CCDC142: variants seen among roughly 807,000 people sequenced by gnomAD.
CCDC142 encodes the protein coiled-coil domain-containing protein 142.
A neutral mutation model predicts 83.8 loss-of-function variants in CCDC142; 67 were observed. That is an observed-to-expected ratio of 0.80 (90% CI 0.66 to 0.98). CCDC142 has a LOEUF of 0.98. CCDC142 is among the 50% of genes least tolerant of loss of function. The probability of loss-of-function intolerance (pLI) is 0.00; values close to 1 mark genes in which losing one functional copy is unlikely to be tolerated. For synonymous variants in CCDC142, 421 were observed against 421.2 expected, an observed-to-expected ratio of 1.00 and a Z score of 0.01; for missense variants, 905 against 946.8, an observed-to-expected ratio of 0.96 and a Z score of 0.58.
chr2:74,482,308 C>G lies in CCDC142; in HGVS notation c.530G>C (p.Cys177Ser). Reference protein sequence around the residue: ...LARPIGLAAQCLEAVIEMQLR... With the variant: ...LARPIGLAAQSLEAVIEMQLR... ...CTGCATCTCGATGACAGCCTCCAGG[C>G]ACTGGGCGGCTAGTCCGATGGGGCG... The change falls in exon 1 of 9, where the codon TGC (cysteine) becomes TCC (serine). Residue 177 changes from cysteine to serine, a missense_variant. Physicochemically the swap from Cys to Ser is moderately radical, Grantham distance 112. Transcript: ENST00000393965. This position sits in a 1 kb window ranked among gnomAD's most constrained non-coding sequence, Gnocchi z 5.0. 6.2e-7 allele frequency: 1 copy of G among 1,610,978 alleles called. No individual in the cohort carries two copies. The highest frequency in any genetic ancestry group is 8.5e-7 in the Non-Finnish European group (1 of 1,179,272).
chr2:74,477,997 A>T (rs28637821), intron 5 of CCDC142, among the ~76,000 whole-genome samples: 44,359 of 146,576 alleles, frequency 0.3, 10,420 homozygotes, highest in East Asian at 0.79. Context: ...TTAAAAAAAA[A>T]ATATATATAT....
Position 74,480,788 on chromosome 2 carries a change from T to C in CCDC142, c.1484A>G (p.Lys495Arg), listed in dbSNP as rs779784180. ...TCTCACCTGGATCTGTGCAGTCAGC[T>C]TCTGGATCTCCAGGCCCAGCTGCTG... ...VEQQLGLEIQ[K>R]LTAQIQLLPE... Residue 495 changes from lysine to arginine, a missense_variant, in exon 5 of 9, where the codon AAG (lysine) becomes AGG (arginine). Lys to Arg is a conservative substitution (Grantham distance 26, BLOSUM62 2). This residue lies in a region of CCDC142 where 49 missense variants were observed against 86.4 expected (regional missense o/e 0.57). Transcript: ENST00000393965. 4 of 1,613,334 alleles carry C rather than the reference T, an allele frequency of 2.5e-6. No homozygotes were observed. In the South Asian group the frequency reaches 4.4e-5, roughly 18 times the overall value.
At position 74,482,388 on chromosome 2, in the gene CCDC142, T is replaced by C. The variant is rs1390151427; in HGVS notation, c.450A>G (p.Gln150=). The part of the protein sequence containing the change: ...WCRDLQLHPS[Q]GAVLRIGPGE... ...CAGGGCCGATTCGCAGAACCGCCCCTTGGGAAGGGTGCAGCTGCAGGTCGC... is the reference window on the plus strand; with the variant it reads ...CAGGGCCGATTCGCAGAACCGCCCCCTGGGAAGGGTGCAGCTGCAGGTCGC... Residue 150 remains glutamine (Q), a synonymous_variant, in exon 1 of 9, where the codon CAA becomes CAG. Transcript: ENST00000393965. The surrounding 1 kb of genome is among the most constrained non-coding windows in gnomAD (Gnocchi z 5.0). 2 of 1,574,506 alleles carry C rather than the reference T, an allele frequency of 1.3e-6. No individual in the cohort carries two copies. The highest frequency in any genetic ancestry group is 1.9e-5 in the Admixed American group (1 of 51,760).
At chr2:74,481,687 A>G (rs921602378) in intron 1 of CCDC142, 130 bp downstream of exon 1, 24 of 1,382,540 alleles carry the variant, frequency 1.7e-5, no homozygotes, top group Non-Finnish European at 2.3e-5. Context: ...CTCAGAAGCT[A>G]TAGTCTGAAC....
intron 1 of CCDC142, 33 bp from the exon 2 acceptor site, chr2:74,481,571 CAA>C (rs1672464257): frequency 6.3e-7 from 1 of 1,598,836 alleles, no homozygotes; most frequent in African/African-American, 1.3e-5. Flanking sequence ...GGCCTGAAAA[CAA>C]GGTCTCACTT....
At position 74,474,777 on chromosome 2, in the gene CCDC142, C is replaced by T. The variant is rs201317513; in HGVS notation, c.2022G>A (p.Thr674=). Residue 674 remains threonine (T), a synonymous_variant, in exon 9 of 9, where the codon ACG becomes ACA. Transcript: ENST00000393965. ...TATTGAGGCAGCTGCTGGGCAATTT[C>T]GTGGTCTGGACCTCCTGACAAGCAC... ...CCCACQEVQT[T]KLPSSCLNSL... The T allele has an allele frequency of 6.5e-5, 105 of 1,612,290 alleles. No individual in the cohort carries two copies. The highest frequency in any genetic ancestry group is 1.3e-4 in the Admixed American group (8 of 59,776).
Position 74,475,283 on chromosome 2 carries a change from G to A in CCDC142, c.1738C>T (p.Leu580=), listed in dbSNP as rs148531378. ...QAQAPALGQA[L]TAIVGAWLDH... ...AGCCAGGCACCCACGATGGCCGTCAGAGCCTGACCAAGGGCAGGGGCCTGG... is the reference window on the plus strand; with the variant it reads ...AGCCAGGCACCCACGATGGCCGTCAAAGCCTGACCAAGGGCAGGGGCCTGG... The change falls in exon 7 of 9, where the codon CTG becomes TTG. Residue 580 remains leucine (L), a synonymous_variant. Transcript: ENST00000393965. The A allele has an allele frequency of 6.9e-4, 1,108 of 1,614,258 alleles. 1 individual carries two copies. The highest frequency in any genetic ancestry group is 9.8e-4 in the Admixed American group (59 of 60,030).
Position 74,482,586 on chromosome 2 carries a change from G to C in CCDC142, c.252C>G (p.Ile84Met), listed in dbSNP as rs1342412041. The C allele has an allele frequency of 6.2e-7, 1 of 1,604,346 alleles. No individual in the cohort carries two copies. The highest frequency in any genetic ancestry group is 1.7e-5 in the Admixed American group (1 of 59,656). The stretch of plus-strand genomic sequence containing the variant: ...CCCGGAGACGCTGCAGCGCGGGAGG[G>C]ATCGGGCCGCCACCTGCGGGCCCCC... ...WRRGPAGGGPIPPALQRLRAV... is the reference protein window; with the variant it reads ...WRRGPAGGGPMPPALQRLRAV... The change falls in exon 1 of 9, where the codon ATC becomes ATG. Residue 84 changes from isoleucine (I) to methionine (M), a missense_variant. Transcript: ENST00000393965. This position sits in a 1 kb window ranked among gnomAD's most constrained non-coding sequence, Gnocchi z 5.0.
Position 74,482,210 on chromosome 2 carries a change from G to A in CCDC142, c.628C>T (p.Pro210Ser), listed in dbSNP as rs760401201. Residue 210 changes from proline (P) to serine (S), a missense_variant, in exon 1 of 9, where the codon CCC (proline) becomes TCC (serine). Physicochemically the swap from Pro to Ser is moderately conservative, Grantham distance 74. This residue lies in a region of CCDC142 where 591 missense variants were observed against 571.4 expected (regional missense o/e 1.03). Coordinates refer to ENST00000393965, the MANE Select transcript of CCDC142 (RefSeq NM_001365575.2). This position sits in a 1 kb window ranked among gnomAD's most constrained non-coding sequence, Gnocchi z 5.0. ...SQLAELLFALPAYHTLQRKAL... is the reference protein window; with the variant it reads ...SQLAELLFALSAYHTLQRKAL... Reference sequence around the variant, plus strand: ...TTTCTCTGTAGTGTGTGGTAGGCGGGAAGTGCAAAGAGCAGCTCGGCGAGT... The same window carrying A: ...TTTCTCTGTAGTGTGTGGTAGGCGGAAAGTGCAAAGAGCAGCTCGGCGAGT... The A allele has an allele frequency of 6.2e-7, 1 of 1,613,484 alleles. No individual in the cohort carries two copies. Among genetic ancestry groups the A allele is most frequent in the East Asian group, 2.2e-5 (1 of 44,898 alleles).
At position 74,482,501 on chromosome 2, in the gene CCDC142, A is replaced by T. The variant is rs1235568147; in HGVS notation, c.337T>A (p.Tyr113Asn). ...EQLLQARDCA[Y>N]HLQSAVRLMK... ...AGTCGCACAGCCGACTGTAGGTGGT[A>T]GGCGCAGTCTCGGGCCTGGAGGAGC... is the stretch of plus-strand genomic sequence containing the variant. Residue 113 changes from tyrosine (Y) to asparagine (N), a missense_variant, in exon 1 of 9, where the codon TAC becomes AAC. This residue lies in a region of CCDC142 where 591 missense variants were observed against 571.4 expected (regional missense o/e 1.03). Coordinates refer to ENST00000393965, the MANE Select transcript of CCDC142 (RefSeq NM_001365575.2). The surrounding 1 kb of genome is among the most constrained non-coding windows in gnomAD (Gnocchi z 5.0). The T allele has an allele frequency of 1.3e-6, 2 of 1,561,842 alleles. No individual in the cohort carries two copies. The highest frequency in any genetic ancestry group is 3.8e-5 in the Admixed American group (2 of 52,062).
chr2:74,482,879 C>T lies in CCDC142; in HGVS notation c.-42G>A. The T allele has an allele frequency of 1.3e-6, 2 of 1,576,486 alleles. No individual in the cohort carries two copies. The highest frequency in any genetic ancestry group is 1.1e-5 in the South Asian group (1 of 87,098). ...AACGAACCTAACGATTCCCACTTCC[C>T]TGCACGGACCAACGCCCGCCGCAGC... On this transcript the variant is annotated 5_prime_UTR_variant, in exon 1 of 9. Coordinates refer to ENST00000393965, the MANE Select transcript of CCDC142 (RefSeq NM_001365575.2). The surrounding 1 kb of genome is among the most constrained non-coding windows in gnomAD (Gnocchi z 5.0).
rs534863901 is a variant in CCDC142, at chr2:74,481,799, C to T, written c.1021+18G>A. 1.1e-5 allele frequency: 18 copies of T among 1,596,514 alleles called. No homozygotes were observed. The Admixed American group carries it at 3.1e-4, about 27-fold the overall frequency. ...AGACCCCAGCCTTCCCAAACGCCCA[C>T]CCAAGCCCATCACTCACCCTGACCC... On this transcript the variant is annotated intron_variant, in intron 1 of 8. Transcript: ENST00000393965.
Position 74,474,945 on chromosome 2 carries a change from G to C in CCDC142, c.1967C>G (p.Ser656Cys). Residue 656 changes from serine (S) to cysteine (C), a missense_variant, in exon 8 of 9, where the codon TCT becomes TGT. Coordinates refer to ENST00000393965, the MANE Select transcript of CCDC142 (RefSeq NM_001365575.2). ...LCLLQQPLPKSQVHRRPPCCC... is the reference protein window; with the variant it reads ...LCLLQQPLPKCQVHRRPPCCC... ...ACAGGGGGGCCTCCTGTGGACTTGA[G>C]ACTTGGGCAGGGGCTGCTGCAACAG... is the stretch of plus-strand genomic sequence containing the variant. 1 of 1,604,338 alleles carries C rather than the reference G, an allele frequency of 6.2e-7. No homozygotes were observed. Among genetic ancestry groups the C allele is most frequent in the South Asian group, 1.1e-5 (1 of 89,400 alleles).
At chr2:74,476,269 T>G (rs1672324479) in intron 5 of CCDC142, among the ~76,000 whole-genome samples, 1 of 151,914 alleles carries the variant, frequency 6.6e-6, no homozygotes, top group Admixed American at 6.6e-5. Flanking sequence ...GCCTCCCGGG[T>G]TCAAGTGATT....
At chr2:74,479,519 G>T (rs930205477) in intron 5 of CCDC142, among the ~76,000 whole-genome samples, 1 of 152,034 alleles carries the variant, frequency 6.6e-6, no homozygotes, top group Non-Finnish European at 1.5e-5. Flanking sequence ...GGTGAGTGAG[G>T]GCAAACAAAG....
At position 74,473,582 on chromosome 2, in the gene CCDC142, GC is replaced by G. The variant is rs1452142035; in HGVS notation, c.*963del. On this transcript the variant is annotated 3_prime_UTR_variant, in exon 9 of 9. Coordinates refer to ENST00000393965, the MANE Select transcript of CCDC142 (RefSeq NM_001365575.2). ...TCCGCCCCTCTAGGCCTCCCAAAGT[GC>G]TGGGATTACAGGCGTGAGCAGGCGT... 2.6e-5 allele frequency among the ~76,000 whole-genome samples: 4 copies of G among 152,250 alleles called. No homozygotes were observed. The highest frequency in any genetic ancestry group is 9.6e-5 in the African/African-American group (4 of 41,546).
Position 74,475,611 on chromosome 2 carries a change from C to T in CCDC142, c.1618+1G>A, listed in dbSNP as rs1672305746. The T allele has an allele frequency of 6.2e-7, 1 of 1,611,564 alleles. No individual in the cohort carries two copies. Among genetic ancestry groups the T allele is most frequent in the Admixed American group, 1.7e-5 (1 of 59,894 alleles). Reference sequence around the variant, plus strand: ...AAGGAGAAGCTGGGATGAGGAGTTACCAGGACAGAGACGAAGCCGCCAGTA... The same window carrying T: ...AAGGAGAAGCTGGGATGAGGAGTTATCAGGACAGAGACGAAGCCGCCAGTA... On this transcript the variant is annotated splice_donor_variant, in intron 6 of 8. Transcript: ENST00000393965. LOFTEE classifies it high-confidence loss of function.
rs1405524908 is a variant in CCDC142, at chr2:74,482,086, A to G, written c.752T>C (p.Leu251Pro). 6.2e-7 allele frequency: 1 copy of G among 1,613,586 alleles called. No individual in the cohort carries two copies. The highest frequency in any genetic ancestry group is 1.1e-5 in the South Asian group (1 of 91,076). Residue 251 changes from leucine (L) to proline (P), a missense_variant, in exon 1 of 9, where the codon CTG becomes CCG. Transcript: ENST00000393965. The surrounding 1 kb of genome is among the most constrained non-coding windows in gnomAD (Gnocchi z 5.0). ...CGCCGATCCTTGGAGCGCCTCGTCCAGCCGACTTGCCACCTGGCAACCCCG... is the reference window on the plus strand; with the variant it reads ...CGCCGATCCTTGGAGCGCCTCGTCCGGCCGACTTGCCACCTGGCAACCCCG... ...GERGCQVASRLDEALQGSALR... is the reference protein window; with the variant it reads ...GERGCQVASRPDEALQGSALR...
At chr2:74,479,025 CAAA>C (rs56291332) in intron 5 of CCDC142, among the ~76,000 whole-genome samples, 3 of 62,084 alleles carry the variant, frequency 4.8e-5, no homozygotes, top group Non-Finnish European at 6.6e-5. Flanking sequence ...GACACCTTCT[CAAA>C]AAAAAAAAAA....
Sources: allele counts gnomAD v4.1 joint callset (sites outside exome capture counted in the v4.1 genomes callset), GRCh38; gene constraint gnomAD v4.1.1; regional missense constraint gnomAD v4.1.1; non-coding constraint Gnocchi (gnomAD v3.1); transcripts MANE v1.5; gene names NCBI Gene and HGNC (gene_info 2026-07-23, HGNC 2026-07-21).